Variants in FAM151A observed in about 807,000 individuals in gnomAD.
FAM151A encodes the protein family with sequence similarity 151 member A.
In FAM151A, 41 loss-of-function variants were observed where a neutral mutation model predicts 40.4. The ratio of observed to expected loss-of-function variants is 1.01; its 90% confidence interval spans 0.79 to 1.32. FAM151A has a LOEUF of 1.32. FAM151A is among the 40% of genes most tolerant of loss of function. FAM151A has a pLI of 0.00. For missense variants in FAM151A, 740 were observed against 740.4 expected, an observed-to-expected ratio of 1.00 and a Z score of 0.01; for synonymous variants, 337 against 312.5, an observed-to-expected ratio of 1.08 and a Z score of -0.83.
chr1:54,610,300 GGTGTAAATAAACCTGT>G, intron 7 of FAM151A, 96 bp downstream of exon 7: 1 of 1,533,258 alleles, frequency 6.5e-7, no homozygotes, highest in Non-Finnish European at 8.7e-7. Flanking sequence ...TCCAGGGTAT[GGTGTAAATAAACCTGT>G]GTTGCCATGG....
At chr1:54,613,476 C>T (rs1046012289) in intron 4 of FAM151A, among the ~76,000 whole-genome samples, 17 of 151,752 alleles carry the variant, frequency 1.1e-4, no homozygotes, top group Non-Finnish European at 1.5e-5. Context: ...TCTTTCTATA[C>T]GTGGTCTCGC....
intron 4 of FAM151A, among the ~76,000 whole-genome samples, chr1:54,613,745 C>T (rs1644142536): frequency 6.6e-6 from 1 of 152,314 alleles, no homozygotes; most frequent in Non-Finnish European, 1.5e-5. Flanking sequence ...TCCAGGAAGA[C>T]AGGTCATATT....
intron 5 of FAM151A, among the ~76,000 whole-genome samples, chr1:54,612,228 G>A (rs1191861102): frequency 3.3e-5 from 5 of 151,846 alleles, no homozygotes; most frequent in Admixed American, 2.0e-4. Flanking sequence ...GAAGCTGTGG[G>A]GAGACAAATT....
At chr1:54,622,547 C>T (rs1438903086) in intron 1 of FAM151A, among the ~76,000 whole-genome samples, 3 of 150,754 alleles carry the variant, frequency 2.0e-5, no homozygotes, top group Admixed American at 1.3e-4. Context: ...TCCAGCCTGG[C>T]GACAGAGAGA....
chr1:54,619,968 A>C lies in FAM151A; in HGVS notation c.158T>G (p.Leu53Arg), dbSNP rs1557674112. ...LEACSPDADM[L>R]DYLLSLGQIS... Reference sequence around the variant, plus strand: ...CTGGCCCAGGCTCAGCAGGTAGTCCAGCATGTCGGCATCAGGGCTGCAGGC... The same window carrying C: ...CTGGCCCAGGCTCAGCAGGTAGTCCCGCATGTCGGCATCAGGGCTGCAGGC... Residue 53 changes from leucine to arginine, a missense_variant, in exon 2 of 8, where the codon CTG becomes CGG. By Grantham distance (102) the Leu-to-Arg change is moderately radical. Transcript: ENST00000302250. 1 of 1,614,172 alleles carries C rather than the reference A, an allele frequency of 6.2e-7. No homozygotes were observed. The highest frequency in any genetic ancestry group is 8.5e-7 in the Non-Finnish European group (1 of 1,180,028).
At chr1:54,614,531 G>C (rs373680345) in intron 4 of FAM151A, among the ~76,000 whole-genome samples, 169 bp downstream of exon 4, 1 of 152,140 alleles carries the variant, frequency 6.6e-6, no homozygotes, top group South Asian at 2.1e-4. Context: ...GTCAGAAAAG[G>C]GGGGAAAGGC....
intron 4 of FAM151A, 119 bp from the exon 5 acceptor site, chr1:54,612,829 A>G (rs1401391664): frequency 2.8e-6 from 2 of 719,282 alleles, no homozygotes. Context: ...TAAGGTCAGA[A>G]GCAGAGTCCC....
intron 3 of FAM151A, 93 bp from the exon 4 acceptor site, chr1:54,614,952 GTGCA>G (rs1262494359): frequency 2.6e-5 from 33 of 1,286,408 alleles, no homozygotes; most frequent in Middle Eastern, 1.9e-4. Context: ...GTGTGTGTGT[GTGCA>G]TGTGCGTGCA....
intron 6 of FAM151A, chr1:54,611,020 G>C (rs1644111794): frequency 1.0e-6 from 1 of 985,374 alleles, no homozygotes; most frequent in Non-Finnish European, 1.2e-6. Context: ...ATAATGGGGG[G>C]TTTGGAATTT....
rs1644212787 is a variant in FAM151A, at chr1:54,619,909, A to G, written c.217T>C (p.Tyr73His). The change falls in exon 2 of 8, where the codon TAC becomes CAC. Residue 73 changes from tyrosine to histidine, a missense_variant. Transcript: ENST00000302250. The stretch of plus-strand genomic sequence containing the variant: ...GCTTTCTTGCTGTTGGCTGCGTGGT[A>G]CCAGGTGACCTCCAAGGCATCTCGC... ...SRRDALEVTW[Y>H]HAANSKKAMT... is the part of the protein sequence containing the mutation. 1 of 1,614,016 alleles carries G rather than the reference A, an allele frequency of 6.2e-7. No homozygotes were observed. Among genetic ancestry groups the G allele is most frequent in the African/African-American group, 1.3e-5 (1 of 74,912 alleles).
At chr1:54,615,117 A>G (rs1287499754) in intron 3 of FAM151A, among the ~76,000 whole-genome samples, 1 of 152,132 alleles carries the variant, frequency 6.6e-6, no homozygotes, top group Non-Finnish European at 1.5e-5. Flanking sequence ...AGGCCAGGTA[A>G]GGACTTGGGC....
In FAM151A at chr1:54,623,369, C is replaced by T; in HGVS notation, c.27G>A (p.Lys9=). MVCREQLS[K]NQVKWVFAGI... ...CGGCAAACACCCACTTGACCTGATT[C>T]TTTGATAACTGCTCCCTGCAGACCA... Residue 9 remains lysine (K), a synonymous_variant, in exon 1 of 8, where the codon AAG becomes AAA. Transcript: ENST00000302250. 1 of 1,613,968 alleles carries T rather than the reference C, an allele frequency of 6.2e-7. No homozygotes were observed. Among genetic ancestry groups the T allele is most frequent in the Non-Finnish European group, 8.5e-7 (1 of 1,179,950 alleles).
At position 54,617,293 on chromosome 1, in the gene FAM151A, C is replaced by T. The variant is rs1644182895; in HGVS notation, c.263-1121G>A. Among the ~76,000 whole-genome samples the T allele has an allele frequency of 2.0e-5, 3 of 152,016 alleles. No homozygotes were observed. The South Asian group carries it at 6.2e-4, about 32-fold the overall frequency. On this transcript the variant is annotated intron_variant, in intron 2 of 7. Coordinates refer to ENST00000302250, the MANE Select transcript of FAM151A (RefSeq NM_176782.3). ...GGAGGGGAGAGGGGCCGCTTTTGGCCCTTGCAGCATCACAAACGACTGATG... is the reference window on the plus strand; with the variant it reads ...GGAGGGGAGAGGGGCCGCTTTTGGCTCTTGCAGCATCACAAACGACTGATG...
Position 54,609,282 on chromosome 1 carries a change from C to A in FAM151A, c.1744G>T (p.Val582Phe), listed in dbSNP as rs761175244. The change falls in exon 8 of 8, where the codon GTT becomes TTT. Residue 582 changes from valine to phenylalanine, a missense_variant. Transcript: ENST00000302250. ...CCCCTGGGTGCTCAGTTTCTACCAA[C>A]ATGAGCCAGCAAGTCCTTGTGGTAG... Reference protein sequence around the residue: ...QGYHKDLLAHVGRN With the variant: ...QGYHKDLLAHFGRN 2.5e-6 allele frequency: 4 copies of A among 1,605,518 alleles called. No individual in the cohort carries two copies. The South Asian group carries it at 3.3e-5, about 13-fold the overall frequency.
intron 2 of FAM151A, among the ~76,000 whole-genome samples, chr1:54,619,331 G>T (rs1347557368): frequency 1.3e-5 from 2 of 152,142 alleles, no homozygotes; most frequent in Non-Finnish European, 2.9e-5. Context: ...GTGCACTCTG[G>T]GACTGACCAC....
chr1:54,611,032 C>G, intron 6 of FAM151A: 8 of 984,800 alleles, frequency 8.1e-6, no homozygotes, highest in Non-Finnish European at 9.6e-6. Context: ...TTGGAATTTG[C>G]TGGTTTCCTA....
Position 54,614,369 on chromosome 1 carries a change from A to C in FAM151A, c.575+331T>G, listed in dbSNP as rs192992801. Among the ~76,000 whole-genome samples the C allele has an allele frequency of 1.1e-4, 16 of 152,238 alleles. No individual in the cohort carries two copies. The East Asian group carries it at 3.1e-3, about 30-fold the overall frequency. On this transcript the variant is annotated intron_variant, in intron 4 of 7. Coordinates refer to ENST00000302250, the MANE Select transcript of FAM151A (RefSeq NM_176782.3). ...CTGCCCTCCAGGAGTTCAATGTAGT[A>C]GGGGTGACAAATCTATGAACACCCA...
intron 2 of FAM151A, among the ~76,000 whole-genome samples, chr1:54,618,169 C>T (rs1249344077): frequency 6.6e-6 from 1 of 152,136 alleles, no homozygotes; most frequent in Non-Finnish European, 1.5e-5. Context: ...CTCAACTTTA[C>T]TATGGCACCT....
At chr1:54,613,841 TGGAG>T (rs1037709496) in intron 4 of FAM151A, among the ~76,000 whole-genome samples, 5 of 152,158 alleles carry the variant, frequency 3.3e-5, no homozygotes, top group African/African-American at 1.2e-4. Context: ...ATTGGATGGA[TGGAG>T]GAAGAGATGG....
Sources: allele counts gnomAD v4.1 joint callset (sites outside exome capture counted in the v4.1 genomes callset), GRCh38; gene constraint gnomAD v4.1.1; transcripts MANE v1.5; gene names NCBI Gene and HGNC (gene_info 2026-07-23, HGNC 2026-07-21).